The following HIVEP1 variants were observed in gnomAD, a reference collection of about 807,000 sequenced individuals.
HIVEP1 encodes the protein zinc finger protein 40.
Under a neutral mutation model 180.0 loss-of-function variants are expected in HIVEP1, and 36 were observed. The ratio of observed to expected loss-of-function variants is 0.20; its 90% CI spans 0.15 to 0.26. The LOEUF is 0.26. Among genes scored for constraint, HIVEP1 ranks in the 10% least tolerant of loss-of-function variants. The probability of loss-of-function intolerance (pLI) is 1.00; values close to 1 mark genes in which losing one functional copy is unlikely to be tolerated. For synonymous variants in HIVEP1, 1,239 were observed against 1,239.0 expected (o/e 1.00, Z 0.00); for missense variants, 3,143 against 3,268.7 (o/e 0.96, Z 0.94).
At position 12,164,335 on chromosome 6, in the gene HIVEP1, C is replaced by T. The variant is rs1402559484; in HGVS notation, c.8031C>T (p.Gly2677=). The T allele has an allele frequency of 6.2e-7, 1 of 1,614,070 alleles. No individual in the cohort carries two copies. The highest frequency in any genetic ancestry group is 1.1e-5 in the South Asian group (1 of 91,092). ...CTGAAGTTTTTACAAAGCCCTCAGG[C>T]CAGCAGACTCTCTCTCCAGACAGAC... ...AHSEVFTKPS[G]QQTLSPDRQV... The change falls in exon 9 of 9, where the codon GGC becomes GGT. Residue 2677 remains glycine (G), a synonymous_variant. Coordinates refer to ENST00000379388, the MANE Select transcript of HIVEP1 (RefSeq NM_002114.4).
intron 2 of HIVEP1, among the ~76,000 whole-genome samples, chr6:12,065,418 A>C (rs111808744): frequency 1.8e-4 from 28 of 152,348 alleles, no homozygotes; most frequent in Non-Finnish European, 3.5e-4. Flanking sequence ...CTTCAAGAGC[A>C]TGTGACATTG....
chr6:12,119,284 T>A (rs1775417434), intron 3 of HIVEP1, among the ~76,000 whole-genome samples: 3 of 152,238 alleles, frequency 2.0e-5, no homozygotes, highest in Admixed American at 1.3e-4. Context: ...CACAGTTGTC[T>A]CTTCGTGCTT....
chr6:12,104,846 T>C (rs2113415689), intron 3 of HIVEP1, among the ~76,000 whole-genome samples: 1 of 152,328 alleles, frequency 6.6e-6, no homozygotes, highest in East Asian at 1.9e-4. Flanking sequence ...CTGTGTCTCT[T>C]TATACTTCCA....
At chr6:12,032,621 A>T (rs1769031385) in intron 2 of HIVEP1, among the ~76,000 whole-genome samples, 1 of 152,150 alleles carries the variant, frequency 6.6e-6, no homozygotes, top group African/African-American at 2.4e-5. Context: ...CCTAAATTGG[A>T]TATAATATTC....
chr6:12,035,180 C>T (rs1038329471), intron 2 of HIVEP1, among the ~76,000 whole-genome samples: 1 of 152,156 alleles, frequency 6.6e-6, no homozygotes, highest in African/African-American at 2.4e-5. Flanking sequence ...GAAAGCTGTT[C>T]AGTATATTCC....
At chr6:12,158,637 T>C (rs7751398) in intron 7 of HIVEP1, among the ~76,000 whole-genome samples, 10,034 of 152,232 alleles carry the variant, frequency 0.066, 380 homozygotes, top group Middle Eastern at 0.15. Context: ...GGCTGTGACC[T>C]TCTCAGTTCT....
chr6:12,089,114 A>G lies in HIVEP1; in HGVS notation c.41-70A>G, dbSNP rs1315401653. 1.1e-5 allele frequency: 9 copies of G among 794,298 alleles called. No homozygotes were observed. In the African/African-American group the frequency reaches 1.4e-4, roughly 12 times the overall value. 49.2% of individuals were successfully genotyped at this position (794,298 alleles called of 1,614,324 possible). Reference sequence around the variant, plus strand: ...GTATCTGACACTGTTTAAAAGTAGTATGTTTGCTTTACTGTACTCTTATTT... The same window carrying G: ...GTATCTGACACTGTTTAAAAGTAGTGTGTTTGCTTTACTGTACTCTTATTT... On this transcript the variant is annotated intron_variant, in intron 2 of 8. Coordinates refer to ENST00000379388, the MANE Select transcript of HIVEP1 (RefSeq NM_002114.4).
chr6:12,043,139 C>T (rs1486139826), intron 2 of HIVEP1, among the ~76,000 whole-genome samples: 5 of 152,132 alleles, frequency 3.3e-5, no homozygotes, highest in African/African-American at 1.2e-4. Flanking sequence ...GTTCTAAATT[C>T]CAAAAGGGTA....
chr6:12,161,401 A>G (rs1385838783), intron 7 of HIVEP1, 38 bp from the exon 8 acceptor site: 1 of 1,569,214 alleles, frequency 6.4e-7, no homozygotes, highest in East Asian at 2.3e-5. Context: ...TGCACTTGGA[A>G]AGCATTCCAT....
At chr6:12,202,195 G>A in the HIVEP1 span, among the ~76,000 whole-genome samples, 2 of 151,724 alleles carry the variant, frequency 1.3e-5, no homozygotes, top group Non-Finnish European at 2.9e-5. Context: ...TCATTCTGTT[G>A]CCAGGCTGGA....
Position 12,026,312 on chromosome 6 carries a change from G to C in HIVEP1, c.40+10644G>C, listed in dbSNP as rs562939645. On this transcript the variant is annotated intron_variant, in intron 2 of 8. Coordinates refer to ENST00000379388, the MANE Select transcript of HIVEP1 (RefSeq NM_002114.4). ...AATTGGAGTGGAGTAAAGCAATGAG[G>C]AAATACCTCGCGGAGGAGTCAACTT... 4.6e-4 allele frequency among the ~76,000 whole-genome samples: 70 copies of C among 152,332 alleles called. 1 individual carries two copies. Among genetic ancestry groups the C allele is most frequent in the African/African-American group, 1.6e-3 (65 of 41,580 alleles).
intron 7 of HIVEP1, among the ~76,000 whole-genome samples, chr6:12,144,926 T>C (rs1227848638): frequency 6.6e-6 from 1 of 152,146 alleles, no homozygotes; most frequent in Non-Finnish European, 1.5e-5. Context: ...TTGGTGGGAG[T>C]GTAAACTAGT....
At chr6:12,131,027 G>T (rs896370376) in intron 6 of HIVEP1, 85 bp downstream of exon 6, 2 of 900,660 alleles carry the variant, frequency 2.2e-6, no homozygotes, top group East Asian at 4.9e-5. Context: ...TTCTTTGACC[G>T]ATGAAATAGC....
chr6:12,130,014 A>G, intron 5 of HIVEP1, 122 bp downstream of exon 5: 1 of 658,888 alleles, frequency 1.5e-6, no homozygotes, highest in Admixed American at 2.9e-5. Context: ...TTCTCAGCAT[A>G]TTAACAGAAT....
chr6:12,020,760 T>G (rs1012478909), intron 2 of HIVEP1, among the ~76,000 whole-genome samples: 4 of 152,206 alleles, frequency 2.6e-5, no homozygotes, highest in Admixed American at 2.6e-4. Context: ...ATTAACCTTT[T>G]GCAAAACATG....
At chr6:12,162,068 T>G (rs905739757) in intron 8 of HIVEP1, 139 bp downstream of exon 8, 1 of 753,594 alleles carries the variant, frequency 1.3e-6, no homozygotes, top group African/African-American at 1.8e-5. Flanking sequence ...ATTTTTTTCT[T>G]GTATTTAAGG....
chr6:12,017,605 G>A lies in HIVEP1; in HGVS notation c.40+1937G>A, dbSNP rs926565719. Among the ~76,000 whole-genome samples the A allele has an allele frequency of 1.8e-4, 27 of 152,140 alleles. 1 individual carries two copies. Among genetic ancestry groups the A allele is most frequent in the Admixed American group, 1.5e-3 (23 of 15,282 alleles). On this transcript the variant is annotated intron_variant, in intron 2 of 8. Transcript: ENST00000379388. ...CCACCCACATCCTGCTGATTGGTCC[G>A]TTTTACAGAGAGCCGATTGGTCTGT...
chr6:12,025,071 A>G (rs1242803321), intron 2 of HIVEP1, among the ~76,000 whole-genome samples: 1 of 152,216 alleles, frequency 6.6e-6, no homozygotes, highest in Non-Finnish European at 1.5e-5. Flanking sequence ...AGGTACTTTT[A>G]TGATTCCCAT....
At chr6:12,194,789 G>A in the HIVEP1 span, among the ~76,000 whole-genome samples, 172 of 152,132 alleles carry the variant, frequency 1.1e-3, no homozygotes, top group African/African-American at 3.8e-3. Context: ...GCGACAGAGC[G>A]AGACTGTGTC....
Sources: allele counts gnomAD v4.1 joint callset (sites outside exome capture counted in the v4.1 genomes callset), GRCh38; gene constraint gnomAD v4.1.1; transcripts MANE v1.5; gene names NCBI Gene and HGNC (gene_info 2026-07-23, HGNC 2026-07-21).